Variants in GRIP2 observed in about 807,000 individuals in gnomAD.
The protein encoded by GRIP2 is glutamate receptor interacting protein 2, also known as glutamate receptor-interacting protein 2.
A neutral mutation model predicts 108.3 loss-of-function variants in GRIP2; 58 were observed. That is an observed-to-expected ratio of 0.54 (90% CI 0.43 to 0.67). The LOEUF is 0.67. GRIP2 is among the 30% of genes least tolerant of loss of function. The probability of loss-of-function intolerance (pLI) is 0.00; values close to 1 mark genes in which losing one functional copy is unlikely to be tolerated. For synonymous variants in GRIP2, 586 were observed against 598.2 expected (o/e 0.98, Z 0.30); for missense variants, 1,278 against 1,430.6 (o/e 0.89, Z 1.72).
intron 1 of GRIP2, among the ~76,000 whole-genome samples, chr3:14,548,106 A>G (rs187753650): frequency 1.2e-3 from 184 of 152,300 alleles, no homozygotes; most frequent in African/African-American, 4.1e-3. Flanking sequence ...AGGGACAAAG[A>G]AACTCAACAC....
At chr3:14,503,255 T>G (rs1368400210) in intron 21 of GRIP2, among the ~76,000 whole-genome samples, 1 of 150,962 alleles carries the variant, frequency 6.6e-6, no homozygotes, top group African/African-American at 2.5e-5. Context: ...TCTGCAAATG[T>G]GCATGCATGA....
chr3:14,523,740 T>C (rs1156258987), intron 4 of GRIP2, 42 bp from the exon 5 acceptor site: 1 of 1,367,494 alleles, frequency 7.3e-7, no homozygotes, highest in South Asian at 1.2e-5. Flanking sequence ...CTCAGTCGCA[T>C]CTCCAGGCCG....
At position 14,525,948 on chromosome 3, in the gene GRIP2, G is replaced by A. The variant is rs1420176205; in HGVS notation, c.41-17C>T. On this transcript the variant is annotated splice_polypyrimidine_tract_variant and intron_variant, in intron 1 of 23. Transcript: ENST00000621039. ...GCCCATCGTCTGCAGGAGAGAAAGA[G>A]GGAAAGGCCGAGTTCCACTTTCGTT... 3 of 1,551,000 alleles carry A rather than the reference G, an allele frequency of 1.9e-6. No individual in the cohort carries two copies. In the African/African-American group the frequency reaches 4.1e-5, roughly 21 times the overall value.
intron 1 of GRIP2, among the ~76,000 whole-genome samples, chr3:14,529,306 A>T (rs1694649885): frequency 6.6e-6 from 1 of 151,300 alleles, no homozygotes; most frequent in South Asian, 2.1e-4. Context: ...AAAAAAAGGA[A>T]AAACACTTGT....
At chr3:14,510,439 A>AT (rs893082633) in intron 16 of GRIP2, among the ~76,000 whole-genome samples, 2 of 151,280 alleles carry the variant, frequency 1.3e-5, no homozygotes, top group African/African-American at 4.9e-5. Flanking sequence ...TAATTTTTGT[A>AT]TTTTTTGTAG....
At chr3:14,520,697 C>T in intron 7 of GRIP2, 160 bp from the exon 8 acceptor site, 3 of 735,610 alleles carry the variant, frequency 4.1e-6, no homozygotes, top group Non-Finnish European at 6.5e-6. Flanking sequence ...TTTTTATCTT[C>T]TACCAAATGT....
At position 14,509,977 on chromosome 3, in the gene GRIP2, G is replaced by A. The variant is rs767406638; in HGVS notation, c.1934-13C>T. On this transcript the variant is annotated splice_polypyrimidine_tract_variant and intron_variant, in intron 16 of 23. Transcript: ENST00000621039. ...GTCTCCAGCTCATCTGCAAGCACGG[G>A]GACCCATGAGGAGGAGGCCCCCGAG... 5 of 1,465,718 alleles carry A rather than the reference G, an allele frequency of 3.4e-6. No homozygotes were observed. Among genetic ancestry groups the A allele is most frequent in the African/African-American group, 1.4e-5 (1 of 70,902 alleles). 90.8% of individuals were successfully genotyped at this position (1,465,718 alleles called of 1,614,324 possible).
At chr3:14,555,584 CCAGA>C (rs1205206249) in intron 1 of GRIP2, among the ~76,000 whole-genome samples, 45 of 151,210 alleles carry the variant, frequency 3.0e-4, no homozygotes, top group African/African-American at 1.1e-3. Flanking sequence ...GACCCAGAGG[CCAGA>C]CAGAGAGACA....
upstream of GRIP2, chr3:14,540,380 C>T: frequency 6.2e-7 from 1 of 1,611,072 alleles, no homozygotes; most frequent in Middle Eastern, 1.7e-4. The surrounding 1 kb of genome is among the most constrained non-coding windows in gnomAD (Gnocchi z 4.1). Context: ...CCTCCCCTCC[C>T]CAGGGAGGGG....
At chr3:14,593,695 T>C in the GRIP2 span, among the ~76,000 whole-genome samples, 74 of 152,328 alleles carry the variant, frequency 4.9e-4, no homozygotes, top group Non-Finnish European at 6.5e-4. Flanking sequence ...GCTAAAGGCA[T>C]TGAGGTTCCT....
At chr3:14,577,107 A>G in the GRIP2 span, among the ~76,000 whole-genome samples, 1 of 152,116 alleles carries the variant, frequency 6.6e-6, no homozygotes, top group East Asian at 1.9e-4. Context: ...TCTCCCTTCA[A>G]ATTTTTGCAG....
the GRIP2 span, among the ~76,000 whole-genome samples, chr3:14,567,195 G>A: frequency 6.6e-6 from 1 of 152,152 alleles, no homozygotes; most frequent in African/African-American, 2.4e-5. Context: ...TCAGCAGTGA[G>A]GGCAAGGCTA....
At chr3:14,575,254 C>T in the GRIP2 span, among the ~76,000 whole-genome samples, 1 of 152,234 alleles carries the variant, frequency 6.6e-6, no homozygotes, top group Non-Finnish European at 1.5e-5. Context: ...ATCTGTGCCA[C>T]TGTCCGCAAT....
Position 14,520,418 on chromosome 3 carries a change from G to T in GRIP2, c.832C>A (p.Arg278Ser). 1.9e-6 allele frequency: 3 copies of T among 1,613,030 alleles called. No homozygotes were observed. In the South Asian group the frequency reaches 3.3e-5, roughly 18 times the overall value. ...TCCACCACGCTGGCTGGCTTGATGC[G>T]GTCGATGGTAATGACTGACTTGTTC... Reference protein sequence around the residue: ...LRNKSVITIDRIKPASVVDRS... With the variant: ...LRNKSVITIDSIKPASVVDRS... The change falls in exon 8 of 24, where the codon CGC (arginine) becomes AGC (serine). Residue 278 changes from arginine (R) to serine (S), a missense_variant. Physicochemically the swap from Arg to Ser is moderately radical, Grantham distance 110. Coordinates refer to ENST00000621039, the MANE Select transcript of GRIP2 (RefSeq NM_001080423.4).
At chr3:14,581,798 G>A in the GRIP2 span, among the ~76,000 whole-genome samples, 5 of 152,320 alleles carry the variant, frequency 3.3e-5, no homozygotes, top group East Asian at 1.9e-4. Flanking sequence ...GTTGGGGTTG[G>A]GTTTCTACCA....
At position 14,493,784 on chromosome 3, in the gene GRIP2, C is replaced by T. The variant is rs1693483272; in HGVS notation, c.3013G>A (p.Val1005Met). 1.2e-6 allele frequency: 2 copies of T among 1,613,536 alleles called. No homozygotes were observed. The highest frequency in any genetic ancestry group is 1.7e-6 in the Non-Finnish European group (2 of 1,179,684). ...RTRDFDCCLA[V>M]PLLAEAGDVL... ...TCACCCGCCTCGGCCAGGAGTGGCA[C>T]CGCCAGGCAGCAGTCGAAGTCCCGT... is the stretch of plus-strand genomic sequence containing the variant. The change falls in exon 24 of 24, where the codon GTG (valine) becomes ATG (methionine). Residue 1005 changes from valine (V) to methionine (M), a missense_variant. Transcript: ENST00000621039.
chr3:14,517,440 A>G (rs1175549022), intron 10 of GRIP2, among the ~76,000 whole-genome samples: 2 of 147,304 alleles, frequency 1.4e-5, no homozygotes, highest in South Asian at 2.2e-4. Flanking sequence ...GACGGGGCCA[A>G]TCTTGCCACT....
At chr3:14,533,566 G>A (rs1472831631) in intron 1 of GRIP2, among the ~76,000 whole-genome samples, 1 of 152,122 alleles carries the variant, frequency 6.6e-6, no homozygotes, top group Non-Finnish European at 1.5e-5. Flanking sequence ...AGGAACAACG[G>A]CACCCCCAAG....
At chr3:14,525,960 G>T in intron 1 of GRIP2, 29 bp from the exon 2 acceptor site, 2 of 1,541,518 alleles carry the variant, frequency 1.3e-6, no homozygotes, top group Middle Eastern at 3.4e-4. Context: ...GAAAGGCCGA[G>T]TTCCACTTTC....
Sources: gnomAD v4.1 joint callset for allele counts (sites outside exome capture counted in the v4.1 genomes callset) on GRCh38, gnomAD v4.1.1 for gene constraint, Gnocchi (gnomAD v3.1) non-coding constraint, MANE v1.5 for transcripts, NCBI Gene and HGNC (gene_info 2026-07-23, HGNC 2026-07-21) for gene names.